Variants in FBXW8 observed in about 807,000 individuals in gnomAD.
FBXW8 encodes F-box/WD repeat-containing protein 8.
FBXW8 carries 57 observed loss-of-function variants against 65.3 expected under a neutral mutation model. That is an observed-to-expected ratio of 0.87 (90% confidence interval 0.71 to 1.09). The LOEUF (loss-of-function observed/expected upper bound fraction) is 1.09. Ranked by LOEUF, FBXW8 falls within the 50% of genes least tolerant of loss-of-function variation. FBXW8 has a pLI of 0.00. For missense variants in FBXW8, 777 were observed against 814.8 expected (o/e 0.95, Z 0.57); for synonymous variants, 308 against 330.2 (o/e 0.93, Z 0.73).
chr12:117,020,040 C>T (rs1954055569), intron 8 of FBXW8, among the ~76,000 whole-genome samples: 1 of 152,208 alleles, frequency 6.6e-6, no homozygotes, highest in Non-Finnish European at 1.5e-5. Flanking sequence ...TCTCTGGGGG[C>T]CGCCCACACA....
intron 5 of FBXW8, among the ~76,000 whole-genome samples, chr12:116,975,364 G>A (rs1044706243): frequency 6.6e-6 from 1 of 152,196 alleles, no homozygotes. Flanking sequence ...TATGTCTGGC[G>A]AGAGCCCTTC....
chr12:117,002,648 C>G (rs1258474292), intron 7 of FBXW8: 1 of 152,202 alleles, frequency 6.6e-6, no homozygotes, highest in African/African-American at 2.4e-5. Context: ...CAAGGACTTA[C>G]AAAATAGTCT....
intron 5 of FBXW8, among the ~76,000 whole-genome samples, chr12:116,981,025 G>A (rs1011655216): frequency 2.0e-5 from 3 of 152,070 alleles, no homozygotes; most frequent in African/African-American, 7.2e-5. Context: ...TAGTGCCTTG[G>A]TACAAAACAG....
intron 8 of FBXW8, among the ~76,000 whole-genome samples, chr12:117,013,759 T>TA (rs1417154926): frequency 6.6e-6 from 1 of 151,972 alleles, no homozygotes; most frequent in African/African-American, 2.4e-5. Flanking sequence ...TTTATTTATT[T>TA]TTTATTATCA....
intron 8 of FBXW8, among the ~76,000 whole-genome samples, chr12:117,016,789 T>C (rs927587757): frequency 3.9e-5 from 6 of 152,204 alleles, no homozygotes; most frequent in African/African-American, 7.2e-5. Flanking sequence ...CTGTGATCCA[T>C]TTGGAGTTAA....
chr12:117,001,766 C>G (rs570281987), intron 7 of FBXW8, among the ~76,000 whole-genome samples: 1 of 152,150 alleles, frequency 6.6e-6, no homozygotes, highest in African/African-American at 2.4e-5. Context: ...TACATTTGCA[C>G]GATGGTTATC....
intron 1 of FBXW8, among the ~76,000 whole-genome samples, chr12:116,915,048 T>A (rs1024691264): frequency 2.0e-5 from 3 of 152,246 alleles, no homozygotes; most frequent in Non-Finnish European, 4.4e-5. Flanking sequence ...TCAACTAATC[T>A]GTAGATGAGC....
In FBXW8 at chr12:117,005,016, G is replaced by T. The variant is rs114704336; in HGVS notation, c.1240-5307G>T. ...TCCAGCATGGTCACTGTTTGTAAAT[G>T]GCAAGGTTTTCCAGACATTCTTGTC... On this transcript the variant is annotated intron_variant, in intron 7 of 10. Coordinates refer to ENST00000652555, the MANE Select transcript of FBXW8 (RefSeq NM_153348.3). 1.8e-3 allele frequency among the ~76,000 whole-genome samples: 277 copies of T among 152,338 alleles called. 1 individual carries two copies. The highest frequency in any genetic ancestry group is 6.2e-3 in the African/African-American group (259 of 41,578).
chr12:117,012,437 G>C (rs1021831444), intron 8 of FBXW8, among the ~76,000 whole-genome samples: 4 of 152,226 alleles, frequency 2.6e-5, no homozygotes, highest in Admixed American at 2.0e-4. Flanking sequence ...TTAGGGGCCA[G>C]CCATCATATG....
At chr12:116,913,613 G>A (rs935383723) in intron 1 of FBXW8, among the ~76,000 whole-genome samples, 1 of 152,138 alleles carries the variant, frequency 6.6e-6, no homozygotes, top group Admixed American at 6.5e-5. Context: ...CCTTCATGCT[G>A]GGTAGGCTGC....
chr12:116,989,018 G>A, intron 7 of FBXW8, 149 bp downstream of exon 7: 1 of 707,998 alleles, frequency 1.4e-6, no homozygotes, highest in East Asian at 2.7e-5. Flanking sequence ...ACTTCAAAAG[G>A]ATTGCAAATG....
chr12:117,004,517 G>A (rs1001812354), intron 7 of FBXW8, among the ~76,000 whole-genome samples: 3 of 152,160 alleles, frequency 2.0e-5, no homozygotes, highest in Non-Finnish European at 4.4e-5. Flanking sequence ...TTACCAACCC[G>A]AAAATACTTT....
intron 2 of FBXW8, 50 bp downstream of exon 2, chr12:116,928,177 G>C: frequency 9.2e-7 from 1 of 1,088,944 alleles, no homozygotes; most frequent in Non-Finnish European, 1.4e-6. Flanking sequence ...GTGTGATTAA[G>C]GTATAGGACT....
chr12:117,004,466 T>C (rs952059632), intron 7 of FBXW8, among the ~76,000 whole-genome samples: 1 of 152,190 alleles, frequency 6.6e-6, no homozygotes, highest in African/African-American at 2.4e-5. Context: ...TTGAAATTGT[T>C]TCCCTCCTGA....
intron 1 of FBXW8, among the ~76,000 whole-genome samples, chr12:116,921,765 C>T (rs138129688): frequency 4.3e-4 from 61 of 143,272 alleles, no homozygotes; most frequent in Non-Finnish European, 8.3e-4. Flanking sequence ...AAATAAAAGT[C>T]TTTAGTAATA....
At position 116,914,925 on chromosome 12, in the gene FBXW8, A is replaced by G. The variant is rs1434696601; in HGVS notation, c.318+3570A>G. 4.7e-5 allele frequency among the ~76,000 whole-genome samples: 7 copies of G among 150,072 alleles called. No individual in the cohort carries two copies. In the East Asian group the frequency reaches 1.3e-3, roughly 29 times the overall value. On this transcript the variant is annotated intron_variant, in intron 1 of 10. Coordinates refer to ENST00000652555, the MANE Select transcript of FBXW8 (RefSeq NM_153348.3). ...CTTTGCAATCATTAGTAACACTGCT[A>G]TAAATAAAGTTATAATTCATTGTGT...
intron 10 of FBXW8, among the ~76,000 whole-genome samples, chr12:117,027,713 G>A (rs1349547525): frequency 2.6e-5 from 4 of 152,244 alleles, no homozygotes; most frequent in South Asian, 2.1e-4. Context: ...GCGAGTCCAC[G>A]CTGTCGGCTG....
intron 2 of FBXW8, among the ~76,000 whole-genome samples, chr12:116,929,828 C>T (rs1170370771): frequency 6.6e-6 from 1 of 152,178 alleles, no homozygotes; most frequent in East Asian, 1.9e-4. Flanking sequence ...TGACATCTTT[C>T]CAGTGTCCCA....
intron 8 of FBXW8, among the ~76,000 whole-genome samples, chr12:117,013,736 T>TTTTA (rs571309697): frequency 0.027 from 4,083 of 152,012 alleles, 172 homozygotes; most frequent in African/African-American, 0.086. Context: ...GGTGTTTTCT[T>TTTTA]TTTATTTATT....
Sources: gnomAD v4.1 joint callset for allele counts (sites outside exome capture counted in the v4.1 genomes callset) on GRCh38, gnomAD v4.1.1 for gene constraint, MANE v1.5 for transcripts, NCBI Gene and HGNC (gene_info 2026-07-23, HGNC 2026-07-21) for gene names.